The following KCNK13 variants were observed in gnomAD, a reference collection of about 807,000 sequenced individuals.
The protein encoded by KCNK13 is potassium channel subfamily K member 13.
In KCNK13, 12 loss-of-function variants were observed where a neutral mutation model predicts 23.4. The ratio of observed to expected loss-of-function variants is 0.51; its 90% CI spans 0.33 to 0.83. The LOEUF (loss-of-function observed/expected upper bound fraction) is 0.83, where lower values mean the gene tolerates loss of function less well. Among genes scored for constraint, KCNK13 ranks in the 40% least tolerant of loss-of-function variants. The probability of loss-of-function intolerance (pLI) is 0.02; values close to 1 mark genes in which losing one functional copy is unlikely to be tolerated. For synonymous variants in KCNK13, 231 were observed against 229.5 expected (o/e 1.01, Z -0.06); for missense variants, 463 against 556.3 (o/e 0.83, Z 1.69).
intron 1 of KCNK13, among the ~76,000 whole-genome samples, chr14:90,141,796 G>GGGT (rs1555352006): frequency 1.7e-4 from 24 of 145,440 alleles, no homozygotes; most frequent in Admixed American, 1.6e-3. Context: ...TTGTTTTTTG[G>GGGT]GGGGGGGGAC....
chr14:90,079,822 A>G (rs1365808727), intron 1 of KCNK13, among the ~76,000 whole-genome samples: 1 of 152,210 alleles, frequency 6.6e-6, no homozygotes, highest in African/African-American at 2.4e-5. Flanking sequence ...AGAGCTCTGC[A>G]GGCCCTGCCT....
At chr14:90,132,479 G>T (rs1046506607) in intron 1 of KCNK13, among the ~76,000 whole-genome samples, 2 of 123,858 alleles carry the variant, frequency 1.6e-5, no homozygotes, top group South Asian at 4.9e-4. Context: ...AGGAGGCAGA[G>T]GTTGCAGTGA....
intron 1 of KCNK13, among the ~76,000 whole-genome samples, chr14:90,079,882 G>A (rs564288997): frequency 9.2e-5 from 14 of 152,288 alleles, no homozygotes; most frequent in African/African-American, 2.2e-4. Flanking sequence ...AAGGTCACAC[G>A]TCCACCTCTG....
chr14:90,156,687 G>A (rs1890198667), intron 1 of KCNK13, among the ~76,000 whole-genome samples: 1 of 152,186 alleles, frequency 6.6e-6, no homozygotes, highest in South Asian at 2.1e-4. Context: ...CCCCAGTCCT[G>A]TGGGGTATTA....
intron 1 of KCNK13, among the ~76,000 whole-genome samples, chr14:90,149,613 G>T (rs1183441256): frequency 3.3e-5 from 5 of 152,170 alleles, no homozygotes; most frequent in Non-Finnish European, 5.9e-5. Context: ...AACATGTGGG[G>T]ATTATGGTAG....
intron 1 of KCNK13, among the ~76,000 whole-genome samples, chr14:90,063,473 G>A (rs541598966): frequency 9.2e-5 from 14 of 152,266 alleles, no homozygotes; most frequent in Non-Finnish European, 1.5e-4. Context: ...AGTGATTAAT[G>A]GGGGTTAGGG....
intron 1 of KCNK13, among the ~76,000 whole-genome samples, chr14:90,085,214 G>A (rs1889257704): frequency 6.6e-6 from 1 of 151,956 alleles, no homozygotes; most frequent in African/African-American, 2.4e-5. Flanking sequence ...CAAAGTGCTA[G>A]GATTACAGGT....
chr14:90,079,700 C>T (rs561955095), intron 1 of KCNK13, among the ~76,000 whole-genome samples: 2 of 152,304 alleles, frequency 1.3e-5, no homozygotes, highest in African/African-American at 2.4e-5. Flanking sequence ...CTTTGTCACA[C>T]GGCTGCAAGA....
intron 1 of KCNK13, among the ~76,000 whole-genome samples, chr14:90,156,911 G>C (rs1183534700): frequency 3.3e-5 from 5 of 152,166 alleles, no homozygotes; most frequent in African/African-American, 4.8e-5. Context: ...CCAGTTGGCT[G>C]TACTGGGGTC....
At chr14:90,081,296 T>TA (rs1889206177) in intron 1 of KCNK13, among the ~76,000 whole-genome samples, 1 of 152,214 alleles carries the variant, frequency 6.6e-6, no homozygotes, top group South Asian at 2.1e-4. Flanking sequence ...CTTTTTCCAT[T>TA]AAAAAATTCT....
intron 1 of KCNK13, among the ~76,000 whole-genome samples, chr14:90,116,201 A>G (rs1297340598): frequency 6.6e-6 from 1 of 152,226 alleles, no homozygotes; most frequent in East Asian, 1.9e-4. Flanking sequence ...AGATAGAAAC[A>G]TAAGAACACT....
In KCNK13 at chr14:90,094,661, T is replaced by G. The variant is rs1414290448; in HGVS notation, c.334+32122T>G. On this transcript the variant is annotated intron_variant, in intron 1 of 1. Coordinates refer to ENST00000282146, the MANE Select transcript of KCNK13 (RefSeq NM_022054.4). ...CTTTTTTTTCTTTTTTTTTTTTTTT[T>G]TTTTTTGAGATGGAGCCTCACTGTC... 3.8e-4 allele frequency among the ~76,000 whole-genome samples: 55 copies of G among 146,576 alleles called. 1 individual carries two copies. Among genetic ancestry groups the G allele is most frequent in the African/African-American group, 1.3e-3 (52 of 39,794 alleles).
At chr14:90,090,420 C>T (rs559025987) in intron 1 of KCNK13, among the ~76,000 whole-genome samples, 61 of 152,348 alleles carry the variant, frequency 4.0e-4, no homozygotes, top group Middle Eastern at 6.8e-3. Flanking sequence ...TACCCAATGC[C>T]TGAACCCCCA....
chr14:90,167,775 C>A (rs188068372), intron 1 of KCNK13, among the ~76,000 whole-genome samples: 30 of 152,266 alleles, frequency 2.0e-4, no homozygotes, highest in Middle Eastern at 3.4e-3. Flanking sequence ...CTACCCCCAC[C>A]CCCTGCCAAT....
chr14:90,064,961 A>G (rs912562670), intron 1 of KCNK13, among the ~76,000 whole-genome samples: 1 of 152,200 alleles, frequency 6.6e-6, no homozygotes, highest in Non-Finnish European at 1.5e-5. Context: ...TGAGGTAGGC[A>G]TAACACTCCC....
chr14:90,101,081 G>A (rs1401113334), intron 1 of KCNK13, among the ~76,000 whole-genome samples: 1 of 152,112 alleles, frequency 6.6e-6, no homozygotes, highest in African/African-American at 2.4e-5. Context: ...GTCATTCGAG[G>A]TACTTCAATC....
At chr14:90,112,177 G>A (rs778224834) in intron 1 of KCNK13, among the ~76,000 whole-genome samples, 31 of 152,216 alleles carry the variant, frequency 2.0e-4, no homozygotes, top group Admixed American at 1.3e-3. Flanking sequence ...TTCCTGCACC[G>A]TCCTGCGTAT....
intron 1 of KCNK13, among the ~76,000 whole-genome samples, chr14:90,128,466 A>G (rs1371156651): frequency 2.6e-5 from 4 of 152,062 alleles, no homozygotes; most frequent in African/African-American, 4.8e-5. Flanking sequence ...CATTCACTGC[A>G]CTGACTTCTC....
At chr14:90,167,140 A>G (rs1004080776) in intron 1 of KCNK13, among the ~76,000 whole-genome samples, 2 of 152,164 alleles carry the variant, frequency 1.3e-5, no homozygotes, top group African/African-American at 4.8e-5. Flanking sequence ...GGAAGCACCA[A>G]ACTCAGTGCC....
Sources: allele counts gnomAD v4.1 joint callset (sites outside exome capture counted in the v4.1 genomes callset), GRCh38; gene constraint gnomAD v4.1.1; transcripts MANE v1.5; gene names NCBI Gene and HGNC (gene_info 2026-07-23, HGNC 2026-07-21).